The following KIF6 variants were observed in gnomAD, a reference collection of about 807,000 sequenced individuals.
KIF6 encodes kinesin-like protein KIF6.
In KIF6, 106 loss-of-function variants were observed where a neutral mutation model predicts 112.7. The ratio of observed to expected loss-of-function variants is 0.94; its 90% CI spans 0.80 to 1.11. The LOEUF (loss-of-function observed/expected upper bound fraction) is 1.11, where lower values mean the gene tolerates loss of function less well. Ranked by LOEUF, KIF6 falls within the 50% of genes least tolerant of loss-of-function variation. The pLI, the probability that KIF6 is intolerant of heterozygous loss-of-function variation, is 0.00. For missense variants in KIF6, 929 were observed against 964.0 expected (o/e 0.96, Z 0.48); for synonymous variants, 339 against 339.9 (o/e 1.00, Z 0.03).
At chr6:39,419,872 T>A in intron 15 of KIF6, 76 bp downstream of exon 15, 1 of 1,275,138 alleles carries the variant, frequency 7.8e-7, no homozygotes, top group Non-Finnish European at 1.1e-6. Context: ...TCATGGCCAT[T>A]TGGAGGCACA....
chr6:39,533,138 A>G (rs949369384), intron 13 of KIF6, among the ~76,000 whole-genome samples: 2 of 152,206 alleles, frequency 1.3e-5, no homozygotes, highest in African/African-American at 4.8e-5. Context: ...TCATCTCACT[A>G]GGGAGTGCCA....
At chr6:39,414,427 A>G (rs978000696) in intron 15 of KIF6, among the ~76,000 whole-genome samples, 1 of 152,216 alleles carries the variant, frequency 6.6e-6, no homozygotes, top group Non-Finnish European at 1.5e-5. Context: ...CACATGTGGG[A>G]CACTGAATCC....
chr6:39,431,879 G>A (rs1236251470), intron 13 of KIF6, among the ~76,000 whole-genome samples: 1 of 151,976 alleles, frequency 6.6e-6, no homozygotes, highest in African/African-American at 2.4e-5. Context: ...CCGGAGTGAG[G>A]GTCAGCGCAG....
chr6:39,469,839 A>G (rs1182935642), intron 13 of KIF6, among the ~76,000 whole-genome samples: 1 of 152,196 alleles, frequency 6.6e-6, no homozygotes, highest in African/African-American at 2.4e-5. Flanking sequence ...AGAGAAACAG[A>G]TGATTCAACA....
intron 9 of KIF6, among the ~76,000 whole-genome samples, chr6:39,580,149 T>G (rs906352635): frequency 3.9e-5 from 6 of 152,120 alleles, no homozygotes; most frequent in African/African-American, 1.2e-4. Context: ...ATGGTATAGC[T>G]TTCCACTGAT....
At chr6:39,570,217 A>C (rs186583598) in intron 10 of KIF6, among the ~76,000 whole-genome samples, 2 of 152,356 alleles carry the variant, frequency 1.3e-5, no homozygotes, top group Non-Finnish European at 2.9e-5. Flanking sequence ...AAAAGGACAG[A>C]ACCACAAGAA....
chr6:39,666,267 C>T (rs1786457425), intron 3 of KIF6, among the ~76,000 whole-genome samples: 1 of 152,154 alleles, frequency 6.6e-6, no homozygotes, highest in Non-Finnish European at 1.5e-5. Context: ...CAGTTGAAAT[C>T]TATTTTCTTC....
At chr6:39,621,229 ACACG>A (rs200832056) in intron 5 of KIF6, among the ~76,000 whole-genome samples, 10,876 of 139,014 alleles carry the variant, frequency 0.078, 1,003 homozygotes, top group East Asian at 0.36. Flanking sequence ...ACACACACAC[ACACG>A]TACACATATA....
At chr6:39,410,817 C>G (rs1172525444) in intron 15 of KIF6, among the ~76,000 whole-genome samples, 4 of 152,208 alleles carry the variant, frequency 2.6e-5, no homozygotes, top group Non-Finnish European at 4.4e-5. Context: ...AAACCAAGAG[C>G]ATATGCGATA....
rs541335833 is a variant in KIF6 at position 39,579,284 on chromosome 6, A to G, written c.1078-1125T>C. ...ATTTTGCCAATCTGTTAGGTGTAAAATGATATCTCATTTTAGTTCTAATTT... is the reference window on the plus strand; with the variant it reads ...ATTTTGCCAATCTGTTAGGTGTAAAGTGATATCTCATTTTAGTTCTAATTT... On this transcript the variant is annotated intron_variant, in intron 9 of 22. Transcript: ENST00000287152. Among the ~76,000 whole-genome samples, 4 of 152,258 alleles carry G rather than the reference A, an allele frequency of 2.6e-5. No individual in the cohort carries two copies. In the South Asian group the frequency reaches 8.3e-4, roughly 32 times the overall value.
At chr6:39,607,930 T>C (rs1782982528) in intron 6 of KIF6, among the ~76,000 whole-genome samples, 1 of 152,066 alleles carries the variant, frequency 6.6e-6, no homozygotes, top group Non-Finnish European at 1.5e-5. Context: ...AATCCTCTTG[T>C]TTTCCACACA....
chr6:39,344,768 A>T (rs1320292765), intron 21 of KIF6, among the ~76,000 whole-genome samples: 1 of 151,970 alleles, frequency 6.6e-6, no homozygotes, highest in Non-Finnish European at 1.5e-5. Context: ...CTCATTCCCC[A>T]CGTGGCTTAG....
intron 10 of KIF6, among the ~76,000 whole-genome samples, chr6:39,566,031 G>C (rs1780256631): frequency 6.6e-6 from 1 of 152,168 alleles, no homozygotes; most frequent in Admixed American, 6.5e-5. Context: ...CAGGGGCCTG[G>C]ATTCCACATC....
intron 9 of KIF6, among the ~76,000 whole-genome samples, chr6:39,582,763 G>A (rs992263636): frequency 6.6e-6 from 1 of 152,116 alleles, no homozygotes; most frequent in African/African-American, 2.4e-5. Context: ...TTATCGGCTG[G>A]CTCCATATTT....
At chr6:39,382,847 TA>T (rs1387460344) in intron 16 of KIF6, among the ~76,000 whole-genome samples, 1 of 152,000 alleles carries the variant, frequency 6.6e-6, no homozygotes, top group African/African-American at 2.4e-5. Context: ...TTTGACTTTT[TA>T]GCAATAGCCA....
intron 6 of KIF6, among the ~76,000 whole-genome samples, chr6:39,608,555 T>C (rs1783021009): frequency 6.6e-6 from 1 of 152,172 alleles, no homozygotes. Flanking sequence ...AATTGTAAGT[T>C]GGGGAGTGTC....
At chr6:39,482,441 T>C (rs977282028) in intron 13 of KIF6, among the ~76,000 whole-genome samples, 8 of 152,194 alleles carry the variant, frequency 5.3e-5, no homozygotes, top group African/African-American at 1.7e-4. Context: ...CTGAGCCCTC[T>C]GGAGCAAGAG....
chr6:39,622,065 G>A (rs1271625848), intron 5 of KIF6, among the ~76,000 whole-genome samples: 2 of 151,854 alleles, frequency 1.3e-5, no homozygotes, highest in East Asian at 3.9e-4. Context: ...TACTCAGGAG[G>A]CTGAGGCAGG....
At position 39,416,452 on chromosome 6, in the gene KIF6, A is replaced by G. The variant is rs184594288; in HGVS notation, c.1810+3496T>C. On this transcript the variant is annotated intron_variant, in intron 15 of 22. Transcript: ENST00000287152. ...TATGGAACAGGTAGATACAATAAAA[A>G]TGGCTCTCCGACAGAAACACAGACT... Among the ~76,000 whole-genome samples, 17 of 152,322 alleles carry G rather than the reference A, an allele frequency of 1.1e-4. No individual in the cohort carries two copies. The East Asian group carries it at 3.3e-3, about 29-fold the overall frequency.
Sources: allele counts gnomAD v4.1 joint callset (sites outside exome capture counted in the v4.1 genomes callset), GRCh38; gene constraint gnomAD v4.1.1; transcripts MANE v1.5; gene names NCBI Gene and HGNC (gene_info 2026-07-23, HGNC 2026-07-21).